Variants in RAP1GDS1 observed in about 807,000 individuals in gnomAD.
RAP1GDS1 encodes Rap1 GTPase-GDP dissociation stimulator 1.
RAP1GDS1 carries 35 observed loss-of-function variants against 71.1 expected under a neutral mutation model. That is an observed-to-expected ratio of 0.49 (90% CI 0.38 to 0.65). The LOEUF is 0.65. Ranked by LOEUF, RAP1GDS1 falls within the 30% of genes least tolerant of loss-of-function variation. The probability of loss-of-function intolerance (pLI) is 0.00; values close to 1 mark genes in which losing one functional copy is unlikely to be tolerated. For missense variants in RAP1GDS1, 663 were observed against 706.1 expected, an observed-to-expected ratio of 0.94 and a Z score of 0.69; for synonymous variants, 229 against 243.1, an observed-to-expected ratio of 0.94 and a Z score of 0.54.
At chr4:98,409,724 T>A in intron 7 of RAP1GDS1, 1 of 472,508 alleles carries the variant, frequency 2.1e-6, no homozygotes. Flanking sequence ...GGAAGGGGCC[T>A]GAGCTGCTGG....
chr4:98,386,575 C>CTT (rs905921745), intron 5 of RAP1GDS1, among the ~76,000 whole-genome samples: 3 of 136,508 alleles, frequency 2.2e-5, no homozygotes, highest in South Asian at 4.6e-4. Flanking sequence ...TGAATGTTGG[C>CTT]TTTTTTTTTT....
rs115645050 is a variant in RAP1GDS1 at position 98,441,844 on chromosome 4, C to T, written c.1697-146C>T. Reference sequence around the variant, plus strand: ...AATTATAATACATTTCTAAGAAAGACATTGCTAGGCTACTGCTATGTCTTT... The same window carrying T: ...AATTATAATACATTTCTAAGAAAGATATTGCTAGGCTACTGCTATGTCTTT... On this transcript the variant is annotated intron_variant, in intron 14 of 14. Coordinates refer to ENST00000408927, the MANE Select transcript of RAP1GDS1 (RefSeq NM_001100427.2). 4,866 of 854,826 alleles carry T rather than the reference C, an allele frequency of 5.7e-3. 163 individuals carry two copies. The African/African-American group carries it at 0.075, about 13-fold the overall frequency. 53.0% of individuals were successfully genotyped at this position (854,826 alleles called of 1,614,324 possible).
At chr4:98,396,514 C>T (rs551998651) in intron 6 of RAP1GDS1, 2 of 152,164 alleles carry the variant, frequency 1.3e-5, no homozygotes, top group African/African-American at 4.8e-5. Context: ...TAGTCTCCCC[C>T]AGTCTATGTT....
intron 6 of RAP1GDS1, among the ~76,000 whole-genome samples, chr4:98,401,532 T>G (rs1241447212): frequency 3.3e-5 from 5 of 152,196 alleles, no homozygotes; most frequent in Non-Finnish European, 5.9e-5. Flanking sequence ...AAGAGCTTCA[T>G]GTATTTGTGA....
chr4:98,313,083 A>G (rs568633776), intron 2 of RAP1GDS1, among the ~76,000 whole-genome samples: 1 of 150,648 alleles, frequency 6.6e-6, no homozygotes, highest in South Asian at 2.1e-4. Flanking sequence ...AAAAAAAAAA[A>G]AAAAAAAAAA....
At chr4:98,361,270 T>C (rs1738708588) in intron 4 of RAP1GDS1, among the ~76,000 whole-genome samples, 1 of 151,926 alleles carries the variant, frequency 6.6e-6, no homozygotes, top group African/African-American at 2.4e-5. Context: ...AATAGTTTGG[T>C]ACAAAAACAC....
intron 4 of RAP1GDS1, among the ~76,000 whole-genome samples, chr4:98,371,303 G>A (rs1422432193): frequency 1.3e-5 from 2 of 150,894 alleles, no homozygotes; most frequent in East Asian, 4.0e-4. Context: ...TTTTAGTAGA[G>A]GCAGGATTTC....
At chr4:98,356,287 A>G (rs984946992) in intron 4 of RAP1GDS1, among the ~76,000 whole-genome samples, 30 of 152,056 alleles carry the variant, frequency 2.0e-4, no homozygotes, top group African/African-American at 7.2e-4. Context: ...AAAAAAGAGG[A>G]TTATGTTCTT....
Position 98,286,614 on chromosome 4 carries a change from G to A in RAP1GDS1, c.5-6794G>A, listed in dbSNP as rs1726060117. On this transcript the variant is annotated intron_variant, in intron 1 of 14. Coordinates refer to ENST00000408927, the MANE Select transcript of RAP1GDS1 (RefSeq NM_001100427.2). Reference sequence around the variant, plus strand: ...TTAAGAATGAATGAGGCCAGGCGCGGTGGCTAACGCCTATAATCCTAGCAC... The same window carrying A: ...TTAAGAATGAATGAGGCCAGGCGCGATGGCTAACGCCTATAATCCTAGCAC... Among the ~76,000 whole-genome samples, 2 of 152,086 alleles carry A rather than the reference G, an allele frequency of 1.3e-5. 1 individual carries two copies. The highest frequency in any genetic ancestry group is 4.1e-4 in the South Asian group (2 of 4,836).
At chr4:98,327,696 T>G (rs963612906) in intron 2 of RAP1GDS1, among the ~76,000 whole-genome samples, 62 of 152,308 alleles carry the variant, frequency 4.1e-4, no homozygotes, top group African/African-American at 1.4e-3. Context: ...TGATTGTCCC[T>G]TGGTGCTGGG....
At chr4:98,269,173 C>CAAAAAAAAAAAAAAAAAAAAAACAA (rs56015226) in intron 1 of RAP1GDS1, among the ~76,000 whole-genome samples, 1 of 56,882 alleles carries the variant, frequency 1.8e-5, no homozygotes, top group Non-Finnish European at 3.3e-5. Flanking sequence ...AATTGATCTT[C>CAAAAAAAAAAAAAAAAAAAAAACAA]AAAAAAAAAA....
chr4:98,384,189 T>TC lies in RAP1GDS1; in HGVS notation c.508+5028dup, dbSNP rs372482996. Among the ~76,000 whole-genome samples the TC allele has an allele frequency of 5.0e-3, 752 of 151,718 alleles. 6 individuals are homozygous for TC. Among genetic ancestry groups the TC allele is most frequent in the South Asian group, 0.018 (86 of 4,826 alleles). ...TACTACCTTACATGTATTTTATTTT[T>TC]CCTCTATTTATGAAGACATGGGAGA... On this transcript the variant is annotated intron_variant, in intron 5 of 14. Coordinates refer to ENST00000408927, the MANE Select transcript of RAP1GDS1 (RefSeq NM_001100427.2).
In RAP1GDS1 at chr4:98,443,103, T is replaced by C. The variant is rs1442426447; in HGVS notation, c.*986T>C. 10 of 228,046 alleles carry C rather than the reference T, an allele frequency of 4.4e-5. No individual in the cohort carries two copies. Among genetic ancestry groups the C allele is most frequent in the Non-Finnish European group, 8.6e-5 (10 of 115,728 alleles). The allele number at this position is 228,046 out of a possible 1,614,324, so 14.1% of individuals were successfully genotyped here. A position where few individuals can be genotyped will look rare whatever the true frequency, so the allele number is the denominator to read the frequency against. On this transcript the variant is annotated 3_prime_UTR_variant, in exon 15 of 15. Transcript: ENST00000408927. ...TCTTCCATAGTCCTTTTAAATCTTATGTTAGAACTAGCAGGACGTAGGTGG... is the reference window on the plus strand; with the variant it reads ...TCTTCCATAGTCCTTTTAAATCTTACGTTAGAACTAGCAGGACGTAGGTGG...
intron 12 of RAP1GDS1, among the ~76,000 whole-genome samples, chr4:98,431,915 G>C (rs1750464820): frequency 1.3e-5 from 2 of 152,106 alleles, no homozygotes; most frequent in Non-Finnish European, 2.9e-5. Flanking sequence ...TGTTGAAGTA[G>C]TTGGTGAGAG....
intron 2 of RAP1GDS1, among the ~76,000 whole-genome samples, chr4:98,295,866 A>G (rs1727661445): frequency 6.6e-6 from 1 of 152,080 alleles, no homozygotes; most frequent in Non-Finnish European, 1.5e-5. Flanking sequence ...CACTTTATAA[A>G]GTCAGCATAT....
intron 2 of RAP1GDS1, among the ~76,000 whole-genome samples, chr4:98,307,700 T>C (rs1385208846): frequency 6.6e-6 from 1 of 152,184 alleles, no homozygotes; most frequent in Non-Finnish European, 1.5e-5. Flanking sequence ...AAAGATGTCT[T>C]GATTTTTATA....
chr4:98,366,396 T>C (rs185318439), intron 4 of RAP1GDS1, among the ~76,000 whole-genome samples: 123 of 152,260 alleles, frequency 8.1e-4, no homozygotes, highest in African/African-American at 2.3e-3. Context: ...CTCTTTCTTT[T>C]GTAAATTGCT....
chr4:98,363,712 T>C (rs895694511), intron 4 of RAP1GDS1, among the ~76,000 whole-genome samples: 1 of 152,040 alleles, frequency 6.6e-6, no homozygotes, highest in African/African-American at 2.4e-5. Flanking sequence ...CTGATTTGGA[T>C]TCTAAAAACA....
intron 12 of RAP1GDS1, among the ~76,000 whole-genome samples, chr4:98,432,541 T>G (rs1750574988): frequency 1.3e-5 from 2 of 152,206 alleles, no homozygotes; most frequent in Admixed American, 1.3e-4. Context: ...AAAAACTTAG[T>G]TCTTGGACTC....
Sources: allele counts gnomAD v4.1 joint callset (sites outside exome capture counted in the v4.1 genomes callset), GRCh38; gene constraint gnomAD v4.1.1; transcripts MANE v1.5; gene names NCBI Gene and HGNC (gene_info 2026-07-23, HGNC 2026-07-21).